Variants in ENTR1 observed in about 807,000 individuals in gnomAD.
The protein encoded by ENTR1 is endosome associated trafficking regulator 1.
ENTR1 carries 47 observed loss-of-function variants against 47.9 expected under a neutral mutation model. The ratio of observed to expected loss-of-function variants is 0.98; its 90% CI spans 0.78 to 1.25. ENTR1 has a LOEUF of 1.25. Ranked by LOEUF, ENTR1 falls within the 50% of genes most tolerant of loss-of-function variation. The pLI is 0.00. For missense variants in ENTR1, 668 were observed against 570.5 expected, an observed-to-expected ratio of 1.17 and a Z score of -1.74; for synonymous variants, 290 against 245.8, an observed-to-expected ratio of 1.18 and a Z score of -1.68.
intron 2 of ENTR1, 112 bp from the exon 3 acceptor site, chr9:136,409,179 A>G: frequency 1.2e-6 from 1 of 836,500 alleles, no homozygotes; most frequent in Non-Finnish European, 1.9e-6. Flanking sequence ...CACAGTCTAG[A>G]GAACTTTTTT....
chr9:136,405,812 G>A, intron 6 of ENTR1, 93 bp downstream of exon 6: 1 of 733,138 alleles, frequency 1.4e-6, no homozygotes, highest in South Asian at 1.9e-5. Flanking sequence ...ACCCAGATCT[G>A]GTTTGACTCT....
intron 4 of ENTR1, 120 bp from the exon 5 acceptor site, chr9:136,407,681 C>G (rs1834847821): frequency 1.4e-6 from 2 of 1,430,830 alleles, no homozygotes; most frequent in Non-Finnish European, 1.9e-6. Context: ...CGGAAGGAGC[C>G]CAGCAGCTTC....
intron 5 of ENTR1, 72 bp from the exon 6 acceptor site, chr9:136,406,050 G>T: frequency 9.2e-7 from 1 of 1,088,798 alleles, no homozygotes; most frequent in Non-Finnish European, 1.3e-6. Context: ...TCTGCGGTGT[G>T]GCTCCAGAGC....
intron 8 of ENTR1, among the ~76,000 whole-genome samples, 156 bp from the exon 9 acceptor site, chr9:136,404,350 T>C (rs1028003062): frequency 6.6e-6 from 1 of 152,190 alleles, no homozygotes; most frequent in African/African-American, 2.4e-5. Flanking sequence ...GGGGGCCTAA[T>C]GGCTTCCCCT....
intron 7 of ENTR1, 127 bp downstream of exon 7, chr9:136,404,964 C>T: frequency 1.2e-5 from 9 of 773,004 alleles, no homozygotes; most frequent in Non-Finnish European, 1.9e-5. Context: ...TCAAAGAACA[C>T]CAGTCCCAGA....
intron 4 of ENTR1, 36 bp from the exon 5 acceptor site, chr9:136,407,597 A>T (rs11145915): frequency 0.2 from 302,705 of 1,514,036 alleles, 31,928 homozygotes; most frequent in Admixed American, 0.28. Flanking sequence ...AATGGAGGCC[A>T]TGCTTCTGAC....
chr9:136,408,971 A>C (rs1834926017), intron 3 of ENTR1, 28 bp downstream of exon 3: 1 of 1,601,614 alleles, frequency 6.2e-7, no homozygotes, highest in Admixed American at 1.7e-5. Flanking sequence ...GATGGAGACA[A>C]GAAGAAAAGG....
rs1834834259 is a variant in ENTR1 at position 136,407,530 on chromosome 9, T to C, written c.434A>G (p.His145Arg). The change falls in exon 5 of 10, where the codon CAC (histidine) becomes CGC (arginine). Residue 145 changes from histidine (H) to arginine (R), a missense_variant. Physicochemically the swap from His to Arg is conservative, Grantham distance 29. Coordinates refer to ENST00000357365, the MANE Select transcript of ENTR1 (RefSeq NM_001039707.2). ...GCCGGTTTGGGAGGGTGGGGAGTTG[T>C]GGTCAAGTCCCAGGGAATGCCTCGA... ...EASRHSLGLD[H>R]NSPPSQTGGY... 5 of 1,593,886 alleles carry C rather than the reference T, an allele frequency of 3.1e-6. No homozygotes were observed. Among genetic ancestry groups the C allele is most frequent in the Non-Finnish European group, 3.4e-6 (4 of 1,173,762 alleles).
At position 136,401,975 on chromosome 9, in the gene ENTR1, G is replaced by A. The variant is rs1477732720; in HGVS notation, c.*813C>T. On this transcript the variant is annotated 3_prime_UTR_variant, in exon 10 of 10. Transcript: ENST00000357365. ...AGAAAGCTATCAATTGGAACAGGAG[G>A]AAAAAAAAGTTTTAAAAAAAATCTA... 9 of 151,918 alleles carry A rather than the reference G, an allele frequency of 5.9e-5. No homozygotes were observed. Among genetic ancestry groups the A allele is most frequent in the Non-Finnish European group, 2.9e-5 (2 of 67,936 alleles). The allele number at this position is 151,918 out of a possible 1,614,324, so 9.4% of individuals were successfully genotyped here. A position where few individuals can be genotyped will look rare whatever the true frequency, so the allele number is the denominator to read the frequency against.
At chr9:136,404,218 G>A in intron 8 of ENTR1, 24 bp from the exon 9 acceptor site, 1 of 1,587,344 alleles carries the variant, frequency 6.3e-7, no homozygotes, top group African/African-American at 1.3e-5. Flanking sequence ...TACGGCTAAG[G>A]ACAGAGCAGC....
intron 2 of ENTR1, among the ~76,000 whole-genome samples, chr9:136,409,323 G>A (rs2131572173): frequency 6.6e-6 from 1 of 152,204 alleles, no homozygotes; most frequent in African/African-American, 2.4e-5. Context: ...TGGGACTACA[G>A]GCACCTGCCA....
Position 136,404,690 on chromosome 9 carries a change from G to T in ENTR1, c.1009C>A (p.Arg337=). ...VEQNLELMTK[R]AVKAENHVVK... ...ACGTGGTTTTCTGCCTTTACAGCCC[G>T]TTTCTGTTACCCAAAAAAGAAAAAC... Residue 337 remains arginine (R), a synonymous_variant, in exon 8 of 10, where the codon CGG becomes AGG. Transcript: ENST00000357365. 6.2e-7 allele frequency: 1 copy of T among 1,613,926 alleles called. No homozygotes were observed. The highest frequency in any genetic ancestry group is 1.3e-5 in the African/African-American group (1 of 75,016).
In ENTR1 at chr9:136,402,734, G is replaced by A. The variant is rs1369870804; in HGVS notation, c.*54C>T. ...ACACAACTGCACATTTAGATCGAGC[G>A]GTGGTGACCTCAGGGTATACACGGA... On this transcript the variant is annotated 3_prime_UTR_variant, in exon 10 of 10. Transcript: ENST00000357365. 2.1e-5 allele frequency: 24 copies of A among 1,167,590 alleles called. No individual in the cohort carries two copies. Among genetic ancestry groups the A allele is most frequent in the African/African-American group, 9.1e-5 (6 of 66,258 alleles). 72.3% of individuals were successfully genotyped at this position (1,167,590 alleles called of 1,614,324 possible). A position where few individuals can be genotyped will look rare whatever the true frequency, so the allele number is the denominator to read the frequency against.
At chr9:136,405,306 GGAA>G in intron 6 of ENTR1, 104 bp from the exon 7 acceptor site, 1 of 883,568 alleles carries the variant, frequency 1.1e-6, no homozygotes, top group Non-Finnish European at 1.8e-6. Flanking sequence ...AGCCTGTGAT[GGAA>G]TGGGTCTCAG....
In ENTR1 at chr9:136,410,474, G is replaced by GGCCCGCGTCGCCC. The variant is rs1163681662; in HGVS notation, c.-90_-78dup. 58 of 993,144 alleles carry GGCCCGCGTCGCCC rather than the reference G, an allele frequency of 5.8e-5. 1 individual carries two copies. The Middle Eastern group carries it at 2.3e-3, about 39-fold the overall frequency. The allele number at this position is 993,144 out of a possible 1,614,324, so 61.5% of individuals were successfully genotyped here. ...ATGGCCCCGGCTCCGCCCGTGCCGC[G>GGCCCGCGTCGCCC]GCCCGCGTCGCCCGCCCCCGTCGCC... is the stretch of plus-strand genomic sequence containing the variant. On this transcript the variant is annotated 5_prime_UTR_variant, in exon 1 of 10. Coordinates refer to ENST00000357365, the MANE Select transcript of ENTR1 (RefSeq NM_001039707.2).
At position 136,407,549 on chromosome 9, in the gene ENTR1, GCCT is replaced by G. The variant is rs1455534969; in HGVS notation, c.412_414del (p.Arg138del). On this transcript the variant is annotated inframe_deletion, in exon 5 of 10. Coordinates refer to ENST00000357365, the MANE Select transcript of ENTR1 (RefSeq NM_001039707.2). ...GAGTTGTGGTCAAGTCCCAGGGAAT[GCCT>G]CGAGGCTTCCTAAAAAAAAAAAAAA... 1.0e-5 allele frequency: 16 copies of G among 1,527,850 alleles called. No homozygotes were observed. The highest frequency in any genetic ancestry group is 1.4e-5 in the Non-Finnish European group (16 of 1,144,444). The allele number at this position is 1,527,850 out of a possible 1,614,324, so 94.6% of individuals were successfully genotyped here. A position where few individuals can be genotyped will look rare whatever the true frequency, so the allele number is the denominator to read the frequency against.
intron 6 of ENTR1, chr9:136,405,420 T>G (rs1564407237): frequency 1.9e-6 from 1 of 530,746 alleles, no homozygotes; most frequent in African/African-American, 1.9e-5. Flanking sequence ...AACAAGGTGT[T>G]TGGTGGCTTT....
chr9:136,405,201 C>A lies in ENTR1; in HGVS notation c.895G>T (p.Val299Leu). ...QSFSEAQTEMVRTLERKLEAK... is the reference protein window; with the variant it reads ...QSFSEAQTEMLRTLERKLEAK... The stretch of plus-strand genomic sequence containing the variant: ...TCTAACTTCCGCTCAAGCGTCCTCA[C>A]CCTTGTTAAAGAAAAACCCGAGTTG... The change falls in exon 7 of 10, where the codon GTG (valine) becomes TTG (leucine). Residue 299 changes from valine to leucine, a missense_variant and splice_region_variant. By Grantham distance (32) the Val-to-Leu change is conservative. Coordinates refer to ENST00000357365, the MANE Select transcript of ENTR1 (RefSeq NM_001039707.2). The A allele has an allele frequency of 6.2e-7, 1 of 1,613,084 alleles. No individual in the cohort carries two copies. The highest frequency in any genetic ancestry group is 8.5e-7 in the Non-Finnish European group (1 of 1,179,146).
chr9:136,408,361 G>A (rs1284095579), intron 3 of ENTR1, among the ~76,000 whole-genome samples: 11 of 152,018 alleles, frequency 7.2e-5, no homozygotes, highest in South Asian at 4.1e-4. Context: ...GGCGGATCAC[G>A]AGGTCAGGAG....
Sources: gnomAD v4.1 joint callset for allele counts (sites outside exome capture counted in the v4.1 genomes callset) on GRCh38, gnomAD v4.1.1 for gene constraint, MANE v1.5 for transcripts, NCBI Gene and HGNC (gene_info 2026-07-23, HGNC 2026-07-21) for gene names.